CENPP: variants seen among roughly 807,000 people sequenced by gnomAD.
CENPP encodes the protein centromere protein P.
A neutral mutation model predicts 35.6 loss-of-function variants in CENPP; 24 were observed. The observed-to-expected ratio is 0.67, with a 90% CI of 0.49 to 0.95. CENPP has a LOEUF of 0.95. Ranked by LOEUF, CENPP falls within the 40% of genes least tolerant of loss-of-function variation. The pLI, the probability that CENPP is intolerant of heterozygous loss-of-function variation, is 0.00. For synonymous variants in CENPP, 120 were observed against 125.5 expected (o/e 0.96, Z 0.29); for missense variants, 332 against 345.3 (o/e 0.96, Z 0.31).
chr9:92,388,636 T>C (rs1456133646), intron 5 of CENPP, among the ~76,000 whole-genome samples: 1 of 149,066 alleles, frequency 6.7e-6, no homozygotes, highest in African/African-American at 2.5e-5. Context: ...AGGTCAGGAG[T>C]TCAAGACCAG....
At chr9:92,533,318 AAAAAAAAAAAATATATATAT>A (rs1439829013) in intron 5 of CENPP, among the ~76,000 whole-genome samples, 7 of 94,838 alleles carry the variant, frequency 7.4e-5, no homozygotes, top group Admixed American at 3.5e-4. Context: ...AAAAAAAAAA[AAAAAAAAAAAATATATATAT>A]ATATATATAT....
chr9:92,386,371 G>T, intron 5 of CENPP: 1 of 871,952 alleles, frequency 1.1e-6, no homozygotes. Flanking sequence ...ATATATATGT[G>T]CATATGAGTA....
Position 92,567,373 on chromosome 9 carries a change from G to GATATATATATAT in CENPP, c.565-43929_565-43918dup. ...ATGGGGTATACAGTTACATAAGATA[G>GATATATATATAT]ATATATATATATATATATATATAGA... On this transcript the variant is annotated intron_variant, in intron 5 of 7. Coordinates refer to ENST00000375587, the MANE Select transcript of CENPP (RefSeq NM_001012267.3). Among the ~76,000 whole-genome samples, 224 of 128,962 alleles carry GATATATATATAT rather than the reference G, an allele frequency of 1.7e-3. 2 individuals carry two copies. Among genetic ancestry groups the GATATATATATAT allele is most frequent in the East Asian group, 7.1e-3 (28 of 3,922 alleles). The allele number at this position is 128,962 out of a possible 152,430, so 84.6% of individuals were successfully genotyped here. A position where few individuals can be genotyped will look rare whatever the true frequency, so the allele number is the denominator to read the frequency against.
chr9:92,497,874 TAAA>T (rs71362393), intron 5 of CENPP, among the ~76,000 whole-genome samples: 532 of 134,868 alleles, frequency 3.9e-3, no homozygotes, highest in African/African-American at 8.7e-3. Flanking sequence ...GCTGGTTGTT[TAAA>T]AAAAAAAAAA....
Position 92,369,217 on chromosome 9 carries a change from A to G in CENPP, c.468-10546A>G, listed in dbSNP as rs116285218. Among the ~76,000 whole-genome samples, 327 of 152,312 alleles carry G rather than the reference A, an allele frequency of 2.1e-3. 2 individuals are homozygous for G. Among genetic ancestry groups the G allele is most frequent in the African/African-American group, 7.3e-3 (304 of 41,576 alleles). On this transcript the variant is annotated intron_variant, in intron 4 of 7. Transcript: ENST00000375587. The stretch of plus-strand genomic sequence containing the variant: ...CACATGAGGAGCACTGGGGTCAGTC[A>G]AGAGACAAATAGGAGAGGGGAAATC...
At chr9:92,374,056 C>A (rs1252654734) in intron 4 of CENPP, among the ~76,000 whole-genome samples, 1 of 145,598 alleles carries the variant, frequency 6.9e-6, no homozygotes, top group Non-Finnish European at 1.5e-5. Context: ...ATCTATGGTG[C>A]TGGCTTGGTC....
intron 5 of CENPP, among the ~76,000 whole-genome samples, chr9:92,450,223 C>T (rs1442844668): frequency 6.6e-6 from 1 of 150,910 alleles, no homozygotes; most frequent in Non-Finnish European, 1.5e-5. Context: ...TTAGGTATAT[C>T]TCCTAAAGCT....
At chr9:92,545,116 C>T (rs865971780) in intron 5 of CENPP, among the ~76,000 whole-genome samples, 25 of 152,352 alleles carry the variant, frequency 1.6e-4, no homozygotes, top group South Asian at 6.2e-4. Flanking sequence ...GCTCTTGGCA[C>T]CTCCTCAGCC....
At chr9:92,415,342 G>A in intron 5 of CENPP, 2 of 1,613,524 alleles carry the variant, frequency 1.2e-6, no homozygotes, top group South Asian at 1.1e-5. Flanking sequence ...ATAATAAATA[G>A]TGTGTATATG....
intron 5 of CENPP, among the ~76,000 whole-genome samples, chr9:92,434,376 G>A (rs1444782246): frequency 2.1e-5 from 3 of 142,940 alleles, no homozygotes; most frequent in Admixed American, 6.9e-5. Flanking sequence ...GCAACTGGGC[G>A]AGACTCTGTC....
At chr9:92,536,005 G>A (rs766279893) in intron 5 of CENPP, 3 of 511,948 alleles carry the variant, frequency 5.9e-6, no homozygotes, top group Non-Finnish European at 7.8e-6. Context: ...CAAAATCAGA[G>A]CTTTCTTTAA....
chr9:92,435,255 T>A (rs148272025), intron 5 of CENPP, among the ~76,000 whole-genome samples: 1 of 152,312 alleles, frequency 6.6e-6, no homozygotes, highest in East Asian at 1.9e-4. Context: ...AAATACTGTC[T>A]GACCATTTTA....
chr9:92,336,248 G>A (rs181759154), intron 2 of CENPP, among the ~76,000 whole-genome samples: 2 of 152,208 alleles, frequency 1.3e-5, no homozygotes, highest in Admixed American at 6.5e-5. Flanking sequence ...GTTCTTACCA[G>A]TACATCTAAT....
At chr9:92,339,106 G>C (rs1387406344) in intron 3 of CENPP, among the ~76,000 whole-genome samples, 1 of 152,204 alleles carries the variant, frequency 6.6e-6, no homozygotes, top group African/African-American at 2.4e-5. Context: ...CAAAGAGGAG[G>C]AACAGAACAG....
At chr9:92,423,996 G>A (rs186450813) in intron 5 of CENPP, among the ~76,000 whole-genome samples, 8 of 152,092 alleles carry the variant, frequency 5.3e-5, no homozygotes, top group Admixed American at 5.2e-4. Flanking sequence ...AATCTTAAAT[G>A]AGAAAGTTAA....
intron 5 of CENPP, among the ~76,000 whole-genome samples, chr9:92,590,087 A>G (rs1374808533): frequency 6.6e-6 from 1 of 152,202 alleles, no homozygotes. Flanking sequence ...AAAAGACCCA[A>G]AGAGCTTTGC....
At chr9:92,524,584 A>G (rs565585370) in intron 5 of CENPP, among the ~76,000 whole-genome samples, 11 of 152,258 alleles carry the variant, frequency 7.2e-5, no homozygotes, top group African/African-American at 2.4e-4. Flanking sequence ...ATACTCACAT[A>G]CACACACCTA....
chr9:92,607,839 GT>G (rs1415662297), intron 5 of CENPP, among the ~76,000 whole-genome samples: 2 of 152,328 alleles, frequency 1.3e-5, no homozygotes, highest in Admixed American at 6.5e-5. Flanking sequence ...CAACAGCACA[GT>G]GGGTCTCAGG....
intron 6 of CENPP, among the ~76,000 whole-genome samples, chr9:92,612,056 C>T (rs934434202): frequency 3.3e-5 from 5 of 152,252 alleles, no homozygotes; most frequent in African/African-American, 9.6e-5. Context: ...TCATACACAG[C>T]GTCTTGCTGC....
Sources: allele counts gnomAD v4.1 joint callset (sites outside exome capture counted in the v4.1 genomes callset), GRCh38; gene constraint gnomAD v4.1.1; transcripts MANE v1.5; gene names NCBI Gene and HGNC (gene_info 2026-07-23, HGNC 2026-07-21).